Variants in MKNK2 observed in about 807,000 individuals in gnomAD.
MKNK2 encodes the protein MAP kinase-interacting serine/threonine-protein kinase 2.
In MKNK2, 54 loss-of-function variants were observed where a neutral mutation model predicts 55.0. The observed-to-expected ratio is 0.98, with a 90% CI of 0.79 to 1.23. The LOEUF is 1.23. Ranked by LOEUF, MKNK2 falls within the 50% of genes most tolerant of loss-of-function variation. MKNK2 has a pLI of 0.00. For synonymous variants in MKNK2, 323 were observed against 256.0 expected, an observed-to-expected ratio of 1.26 and a Z score of -2.50; for missense variants, 685 against 632.1, an observed-to-expected ratio of 1.08 and a Z score of -0.90.
chr19:2,041,874 C>T lies in MKNK2; in HGVS notation c.911G>A (p.Gly304Asp), dbSNP rs2016892158. 4 of 1,541,190 alleles carry T rather than the reference C, an allele frequency of 2.6e-6. No homozygotes were observed. Among genetic ancestry groups the T allele is most frequent in the East Asian group, 2.5e-5 (1 of 40,230 alleles). Reference protein sequence around the residue: ...PFVGRCGSDCGWDRGEACPAC... With the variant: ...PFVGRCGSDCDWDRGEACPAC... ...AGGGCAGGCCTCGCCGCGGTCCCAGCCGCAGTCGCTGCCACAGCGGCCCAC... is the reference window on the plus strand; with the variant it reads ...AGGGCAGGCCTCGCCGCGGTCCCAGTCGCAGTCGCTGCCACAGCGGCCCAC... Residue 304 changes from glycine (G) to aspartate (D), a missense_variant, in exon 11 of 14, where the codon GGC (glycine) becomes GAC (aspartate). Transcript: ENST00000250896.
Position 2,050,035 on chromosome 19 carries a change from C to G in MKNK2, c.51+766G>C, listed in dbSNP as rs138159280. Reference sequence around the variant, plus strand: ...CAGTGAAGCGATTACATAACCCCGGCCTGAGGGGTGGGGCGGGCCGGCTGA... The same window carrying G: ...CAGTGAAGCGATTACATAACCCCGGGCTGAGGGGTGGGGCGGGCCGGCTGA... On this transcript the variant is annotated intron_variant, in intron 2 of 13. Coordinates refer to ENST00000250896, the MANE Select transcript of MKNK2 (RefSeq NM_199054.3). 5.8e-3 allele frequency among the ~76,000 whole-genome samples: 877 copies of G among 152,318 alleles called. 10 individuals are homozygous for G. The highest frequency in any genetic ancestry group is 0.019 in the African/African-American group (810 of 41,558).
At chr19:2,041,663 G>A (rs1303725400) in intron 11 of MKNK2, among the ~76,000 whole-genome samples, 177 bp downstream of exon 11, 1 of 152,086 alleles carries the variant, frequency 6.6e-6, no homozygotes, top group Non-Finnish European at 1.5e-5. Flanking sequence ...TACAGAGTAG[G>A]TCCCCGGGGG....
rs1424748326 is a variant in MKNK2 at position 2,046,236 on chromosome 19, G to A, written c.289C>T (p.Arg97Ter). 6 of 1,607,028 alleles carry A rather than the reference G, an allele frequency of 3.7e-6. No homozygotes were observed. The highest frequency in any genetic ancestry group is 1.3e-5 in the African/African-American group (1 of 75,048). ...EDVLGEGAHA[R>*]VQTCINLITS... ...ATCAGGTTGATGCAGGTCTGCACTC[G>A]GGCATGAGCGCCCTCCCCCAGCACA... is the stretch of plus-strand genomic sequence containing the variant. Residue 97 changes from arginine (R) to a stop codon, truncating the protein, a stop_gained, in exon 5 of 14, where the codon CGA becomes TGA. Coordinates refer to ENST00000250896, the MANE Select transcript of MKNK2 (RefSeq NM_199054.3). LOFTEE classifies it high-confidence loss of function.
Position 2,041,777 on chromosome 19 carries a change from G to T in MKNK2, c.945+63C>A, listed in dbSNP as rs1275220849. 2.9e-6 allele frequency: 4 copies of T among 1,366,848 alleles called. No homozygotes were observed. The African/African-American group carries it at 6.0e-5, about 21-fold the overall frequency. 84.7% of individuals were successfully genotyped at this position (1,366,848 alleles called of 1,614,324 possible). A position where few individuals can be genotyped will look rare whatever the true frequency, so the allele number is the denominator to read the frequency against. On this transcript the variant is annotated intron_variant, in intron 11 of 13. Coordinates refer to ENST00000250896, the MANE Select transcript of MKNK2 (RefSeq NM_199054.3). The stretch of plus-strand genomic sequence containing the variant: ...AGGGCAGGTCCCCTGGGGTTAGGGG[G>T]TGTTCAGGGCAGGCCCGGGGGAGGA...
At position 2,046,688 on chromosome 19, in the gene MKNK2, G is replaced by T; in HGVS notation, c.55C>A (p.Gln19Lys). ...GAGAAGGCCAGCTCGAAGGGGTTCT[G>T]CCCCTGCAGGGGAGAGGAGAGGAGA... ...LQGFHRSFKG[Q>K]NPFELAFSLD... The change falls in exon 3 of 14, where the codon CAG becomes AAG. Residue 19 changes from glutamine (Q) to lysine (K), a missense_variant. Physicochemically the swap from Gln to Lys is moderately conservative, Grantham distance 53. Transcript: ENST00000250896. 1 of 1,522,326 alleles carries T rather than the reference G, an allele frequency of 6.6e-7. No homozygotes were observed. The highest frequency in any genetic ancestry group is 2.4e-5 in the East Asian group (1 of 41,858). The allele number at this position is 1,522,326 out of a possible 1,614,324, so 94.3% of individuals were successfully genotyped here.
At position 2,040,186 on chromosome 19, in the gene MKNK2, A is replaced by G; in HGVS notation, c.1111-9T>C. The G allele has an allele frequency of 1.3e-6, 2 of 1,573,548 alleles. No individual in the cohort carries two copies. The highest frequency in any genetic ancestry group is 2.3e-5 in the East Asian group (1 of 43,560). On this transcript the variant is annotated splice_polypyrimidine_tract_variant and intron_variant, in intron 12 of 13. Transcript: ENST00000250896. ...GTGTTCTCCGGGGCGCACTGCAACG[A>G]GAGTGGGCGGGGGCAGGGCTGGAGA...
intron 12 of MKNK2, chr19:2,040,631 C>T (rs575418116): frequency 2.1e-5 from 6 of 290,352 alleles, no homozygotes; most frequent in Non-Finnish European, 3.9e-5. Context: ...GCTCAGATGA[C>T]CTCTGGCAGG....
rs775713639 is a variant in MKNK2 at position 2,042,896 on chromosome 19, CAG to C, written c.494-28_494-27del. 31 of 1,547,908 alleles carry C rather than the reference CAG, an allele frequency of 2.0e-5. No individual in the cohort carries two copies. In the African/African-American group the frequency reaches 2.9e-4, roughly 14 times the overall value. On this transcript the variant is annotated intron_variant, in intron 7 of 13. Transcript: ENST00000250896. ...CTGGGCAGGGCAGGGCAGGGCAGGA[CAG>C]GGGGAACACGCAGGTCACCTCAAAG...
chr19:2,038,877 G>A lies in MKNK2; in HGVS notation c.*736C>T. 1.0e-6 allele frequency: 1 copy of A among 985,858 alleles called. No individual in the cohort carries two copies. Among genetic ancestry groups the A allele is most frequent in the Non-Finnish European group, 1.2e-6 (1 of 829,990 alleles). The allele number at this position is 985,858 out of a possible 1,614,324, so 61.1% of individuals were successfully genotyped here. On this transcript the variant is annotated 3_prime_UTR_variant, in exon 14 of 14. Coordinates refer to ENST00000250896, the MANE Select transcript of MKNK2 (RefSeq NM_199054.3). Reference sequence around the variant, plus strand: ...GGGGAGGGGCAGCGGCGAGCCCCTGGGGTCAGCTGCAGTTTAAGGTCAAGG... The same window carrying A: ...GGGGAGGGGCAGCGGCGAGCCCCTGAGGTCAGCTGCAGTTTAAGGTCAAGG...
intron 13 of MKNK2, 56 bp from the exon 14 acceptor site, chr19:2,039,912 T>C: frequency 6.4e-7 from 1 of 1,550,540 alleles, no homozygotes; most frequent in East Asian, 2.3e-5. Flanking sequence ...AGGGGACCCC[T>C]GGGGTCTGTG....
At position 2,038,248 on chromosome 19, in the gene MKNK2, T is replaced by G. The variant is rs1002980293; in HGVS notation, c.*1365A>C. On this transcript the variant is annotated 3_prime_UTR_variant, in exon 14 of 14. Coordinates refer to ENST00000250896, the MANE Select transcript of MKNK2 (RefSeq NM_199054.3). The stretch of plus-strand genomic sequence containing the variant: ...GGAAGCAAAGTCCATCGATGTGTTG[T>G]TTTTTTTTAAGGAAAAACTAAAAAA... The G allele has an allele frequency of 4.1e-6, 4 of 981,050 alleles. No individual in the cohort carries two copies. Among genetic ancestry groups the G allele is most frequent in the Middle Eastern group, 5.2e-4 (1 of 1,938 alleles). 60.8% of individuals were successfully genotyped at this position (981,050 alleles called of 1,614,324 possible).
Position 2,038,103 on chromosome 19 carries a change from C to T in MKNK2, c.*1510G>A. ...TGGGGACCAGGGAAGGCAGAGCACC[C>T]CCACGGCCACCGGACTGTGACCATC... On this transcript the variant is annotated 3_prime_UTR_variant, in exon 14 of 14. Coordinates refer to ENST00000250896, the MANE Select transcript of MKNK2 (RefSeq NM_199054.3). 3.6e-6 allele frequency: 4 copies of T among 1,117,500 alleles called. No individual in the cohort carries two copies. The highest frequency in any genetic ancestry group is 3.9e-4 in the Middle Eastern group (1 of 2,574). 69.2% of individuals were successfully genotyped at this position (1,117,500 alleles called of 1,614,324 possible). A position where few individuals can be genotyped will look rare whatever the true frequency, so the allele number is the denominator to read the frequency against.
At chr19:2,045,710 G>A (rs896302432) in intron 5 of MKNK2, among the ~76,000 whole-genome samples, 8 of 152,162 alleles carry the variant, frequency 5.3e-5, no homozygotes, top group Non-Finnish European at 1.0e-4. Flanking sequence ...CTTGGAACAC[G>A]GGATCCAACC....
chr19:2,042,116 C>A, intron 10 of MKNK2, 82 bp from the exon 11 acceptor site: 3 of 1,309,216 alleles, frequency 2.3e-6, no homozygotes, highest in Non-Finnish European at 3.0e-6. Context: ...GGGTCACCTG[C>A]GCCAGCCGGC....
Position 2,038,786 on chromosome 19 carries a change from T to C in MKNK2, c.*827A>G, listed in dbSNP as rs933867039. On this transcript the variant is annotated 3_prime_UTR_variant, in exon 14 of 14. Transcript: ENST00000250896. ...GCTGACAGTGCCTGTCCAGCCCCTCTGCCTGCTGCGGTGGAAACGGCTTCG... is the reference window on the plus strand; with the variant it reads ...GCTGACAGTGCCTGTCCAGCCCCTCCGCCTGCTGCGGTGGAAACGGCTTCG... The C allele has an allele frequency of 3.0e-6, 3 of 985,422 alleles. No individual in the cohort carries two copies. Among genetic ancestry groups the C allele is most frequent in the African/African-American group, 1.7e-5 (1 of 57,220 alleles). The allele number at this position is 985,422 out of a possible 1,614,324, so 61.0% of individuals were successfully genotyped here.
chr19:2,038,764 G>A lies in MKNK2; in HGVS notation c.*849C>T. On this transcript the variant is annotated 3_prime_UTR_variant, in exon 14 of 14. Transcript: ENST00000250896. ...GTCTTCAGGACCCCCCACATTGGCT[G>A]ACAGTGCCTGTCCAGCCCCTCTGCC... The A allele has an allele frequency of 1.0e-6, 1 of 985,638 alleles. No homozygotes were observed. Among genetic ancestry groups the A allele is most frequent in the Non-Finnish European group, 1.2e-6 (1 of 829,950 alleles). 61.1% of individuals were successfully genotyped at this position (985,638 alleles called of 1,614,324 possible).
intron 2 of MKNK2, among the ~76,000 whole-genome samples, chr19:2,049,224 T>C (rs1482661083): frequency 6.6e-6 from 1 of 152,138 alleles, no homozygotes; most frequent in Non-Finnish European, 1.5e-5. Context: ...GCCTGCAGTC[T>C]CAGAGCCTCA....
rs1410755323 is a variant in MKNK2 at position 2,037,543 on chromosome 19, G to A, written c.*2070C>T. ...TTCCGGCATTGACAGTTGGTGTAAA[G>A]GAAAACTTCTGAGCTCCGTCAGTTC... On this transcript the variant is annotated 3_prime_UTR_variant, in exon 14 of 14. Coordinates refer to ENST00000250896, the MANE Select transcript of MKNK2 (RefSeq NM_199054.3). 2.4e-6 allele frequency: 1 copy of A among 415,214 alleles called. No individual in the cohort carries two copies. The highest frequency in any genetic ancestry group is 4.3e-6 in the Non-Finnish European group (1 of 234,200). The allele number at this position is 415,214 out of a possible 1,614,324, so 25.7% of individuals were successfully genotyped here. A position where few individuals can be genotyped will look rare whatever the true frequency, so the allele number is the denominator to read the frequency against.
chr19:2,042,774 T>G lies in MKNK2; in HGVS notation c.590A>C (p.His197Pro). ...GCGGGGTCACCACCTACCTTTGTTA[T>G]GCAGAAAGTCCAAGGCGCTGGCCAC... Reference protein sequence around the residue: ...QDVASALDFLHNKGIAHRDLK... With the variant: ...QDVASALDFLPNKGIAHRDLK... Residue 197 changes from histidine (H) to proline (P), a missense_variant, in exon 8 of 14, where the codon CAT becomes CCT. His to Pro is a moderately conservative substitution (Grantham distance 77, BLOSUM62 -2). Coordinates refer to ENST00000250896, the MANE Select transcript of MKNK2 (RefSeq NM_199054.3). The G allele has an allele frequency of 6.3e-7, 1 of 1,576,650 alleles. No homozygotes were observed. The highest frequency in any genetic ancestry group is 8.6e-7 in the Non-Finnish European group (1 of 1,159,576).
Sources: allele counts gnomAD v4.1 joint callset (sites outside exome capture counted in the v4.1 genomes callset), GRCh38; gene constraint gnomAD v4.1.1; transcripts MANE v1.5; gene names NCBI Gene and HGNC (gene_info 2026-07-23, HGNC 2026-07-21).